CSGALNACT1: variants seen among roughly 807,000 people sequenced by gnomAD.
CSGALNACT1 encodes beta4GalNAcT-1.
Under a neutral mutation model 51.0 loss-of-function variants are expected in CSGALNACT1, and 52 were observed. The ratio of observed to expected loss-of-function variants is 1.02; its 90% CI spans 0.82 to 1.29. The LOEUF (loss-of-function observed/expected upper bound fraction) is 1.29, where lower values mean the gene tolerates loss of function less well. CSGALNACT1 is among the 50% of genes most tolerant of loss of function. The pLI, the probability that CSGALNACT1 is intolerant of heterozygous loss-of-function variation, is 0.00. For synonymous variants in CSGALNACT1, 341 were observed against 254.4 expected, an observed-to-expected ratio of 1.34 and a Z score of -3.24; for missense variants, 935 against 679.2, an observed-to-expected ratio of 1.38 and a Z score of -4.19.
intron 1 of CSGALNACT1, among the ~76,000 whole-genome samples, chr8:19,631,363 G>C (rs996791167): frequency 6.6e-6 from 1 of 152,154 alleles, no homozygotes; most frequent in African/African-American, 2.4e-5. Context: ...TGCTGGTGCT[G>C]TGTTTTAGAT....
intron 3 of CSGALNACT1, among the ~76,000 whole-genome samples, chr8:19,537,631 G>A (rs971245941): frequency 7.2e-5 from 11 of 152,062 alleles, no homozygotes; most frequent in Admixed American, 1.3e-4. Flanking sequence ...CCCTTTATGC[G>A]AAATAAAGCT....
rs554214395 is a variant in CSGALNACT1, at chr8:19,506,398, G to C, written c.-296-268C>G. 1.4e-3 allele frequency among the ~76,000 whole-genome samples: 209 copies of C among 152,354 alleles called. 1 individual carries two copies. The Middle Eastern group carries it at 0.017, about 12-fold the overall frequency. ...TTCTCTCCAGATGGAAAGATTAAGA[G>C]TCATCTTTCTACTTCTATTTTTCTG... On this transcript the variant is annotated intron_variant, in intron 3 of 9. Coordinates refer to ENST00000454498, the Ensembl canonical transcript of CSGALNACT1.
intron 3 of CSGALNACT1, among the ~76,000 whole-genome samples, chr8:19,579,738 C>G (rs556753662): frequency 2.6e-5 from 4 of 152,306 alleles, no homozygotes; most frequent in Admixed American, 1.3e-4. Context: ...AACCTAAAAA[C>G]AGTTATGGTA....
rs1348097058 is a variant in CSGALNACT1, at chr8:19,689,207, T to C, written c.-297+68643A>G. Among the ~76,000 whole-genome samples the C allele has an allele frequency of 2.0e-5, 3 of 152,182 alleles. No individual in the cohort carries two copies. The East Asian group carries it at 5.8e-4, about 29-fold the overall frequency. ...GACGATGTCATAAAAGACTGTATTA[T>C]AGTTCTCCACCTGGTTCTCCTGGAA... is the stretch of plus-strand genomic sequence containing the variant. On this transcript the variant is annotated intron_variant, in intron 1 of 1. Transcript: ENST00000517494.
chr8:19,481,341 C>T (rs538597844), intron 4 of CSGALNACT1, among the ~76,000 whole-genome samples: 21 of 152,206 alleles, frequency 1.4e-4, no homozygotes, highest in African/African-American at 4.6e-4. Context: ...GTGTCTACGA[C>T]GTCTCATTTT....
chr8:19,643,858 C>A (rs536317039), intron 1 of CSGALNACT1, among the ~76,000 whole-genome samples: 2 of 152,238 alleles, frequency 1.3e-5, no homozygotes, highest in Non-Finnish European at 2.9e-5. Flanking sequence ...CTCAGTCACT[C>A]GGGTAAACAA....
chr8:19,614,551 T>C (rs1204755479), intron 1 of CSGALNACT1, among the ~76,000 whole-genome samples: 1 of 152,228 alleles, frequency 6.6e-6, no homozygotes, highest in Non-Finnish European at 1.5e-5. Flanking sequence ...GTTATACTCT[T>C]CTATAACCAT....
chr8:19,570,585 C>A (rs185960801), intron 3 of CSGALNACT1, among the ~76,000 whole-genome samples: 1 of 152,046 alleles, frequency 6.6e-6, no homozygotes, highest in African/African-American at 2.4e-5. Flanking sequence ...CAGTGGCACA[C>A]GCTGGGAGGG....
chr8:19,662,304 C>T (rs1446111030), intron 1 of CSGALNACT1, among the ~76,000 whole-genome samples: 1 of 151,820 alleles, frequency 6.6e-6, no homozygotes, highest in Non-Finnish European at 1.5e-5. Context: ...ATCACATGAA[C>T]CCAGAGGCAG....
rs1250360376 is a variant in CSGALNACT1 at position 19,665,120 on chromosome 8, T to C, written c.-544+17353A>G. Reference sequence around the variant, plus strand: ...CCTCTAACTCCCAAGTTCAAGCGATTCTTCTCCATCAACCTCCTGAGTAGG... The same window carrying C: ...CCTCTAACTCCCAAGTTCAAGCGATCCTTCTCCATCAACCTCCTGAGTAGG... On this transcript the variant is annotated intron_variant, in intron 1 of 9. Transcript: ENST00000332246. 2.0e-5 allele frequency among the ~76,000 whole-genome samples: 3 copies of C among 152,344 alleles called. No homozygotes were observed. The East Asian group carries it at 5.8e-4, about 29-fold the overall frequency.
chr8:19,603,711 G>A (rs2050922885), upstream of CSGALNACT1, among the ~76,000 whole-genome samples: 1 of 152,172 alleles, frequency 6.6e-6, no homozygotes, highest in African/African-American at 2.4e-5. Flanking sequence ...TAGCTTGCAG[G>A]CAGCAGATCT....
At chr8:19,749,720 T>G (rs1327804008) in intron 1 of CSGALNACT1, among the ~76,000 whole-genome samples, 12 of 152,196 alleles carry the variant, frequency 7.9e-5, no homozygotes, top group Admixed American at 7.2e-4. Flanking sequence ...CAGACCTGGA[T>G]GTAATTAACC....
At chr8:19,727,736 C>T (rs1258887531) in intron 1 of CSGALNACT1, among the ~76,000 whole-genome samples, 1 of 152,040 alleles carries the variant, frequency 6.6e-6, no homozygotes, top group Admixed American at 6.6e-5. Flanking sequence ...TTCCCTAACA[C>T]CATGGCTGGG....
At chr8:19,627,753 A>G (rs1186721669) in intron 1 of CSGALNACT1, among the ~76,000 whole-genome samples, 1 of 152,182 alleles carries the variant, frequency 6.6e-6, no homozygotes, top group Non-Finnish European at 1.5e-5. Context: ...TGAGCCTAGG[A>G]GTTCGAGGCT....
intron 4 of CSGALNACT1, among the ~76,000 whole-genome samples, chr8:19,492,108 C>G (rs577942932): frequency 6.6e-6 from 1 of 152,226 alleles, no homozygotes; most frequent in Non-Finnish European, 1.5e-5. Context: ...ACATTGGTAA[C>G]TAGTGAGAAT....
chr8:19,687,593 T>C (rs2061049304), intron 1 of CSGALNACT1, among the ~76,000 whole-genome samples: 2 of 152,214 alleles, frequency 1.3e-5, no homozygotes, highest in Non-Finnish European at 2.9e-5. Flanking sequence ...CCTTGGTCCA[T>C]TACCACACTA....
chr8:19,609,920 T>C (rs991433865), intron 1 of CSGALNACT1, among the ~76,000 whole-genome samples: 2 of 152,062 alleles, frequency 1.3e-5, no homozygotes, highest in Non-Finnish European at 2.9e-5. Flanking sequence ...AGCATGGTCC[T>C]TTTAAATAAC....
In CSGALNACT1 at chr8:19,713,260, A is replaced by G. The variant is rs140174081; in HGVS notation, c.-297+44590T>C. On this transcript the variant is annotated intron_variant, in intron 1 of 1. Transcript: ENST00000517494. ...AGGAATAGCGAACCACATAAAAGAT[A>G]TAACTTGTTTGAAGGGCATGACAGA... Among the ~76,000 whole-genome samples, 67 of 152,352 alleles carry G rather than the reference A, an allele frequency of 4.4e-4. No individual in the cohort carries two copies. In the South Asian group the frequency reaches 6.6e-3, roughly 15 times the overall value.
At chr8:19,666,817 GAGAGAGAGAGAGAGAGAAAGAAAGAA>G (rs2059250914) in intron 1 of CSGALNACT1, among the ~76,000 whole-genome samples, 2 of 35,396 alleles carry the variant, frequency 5.7e-5, no homozygotes, top group Non-Finnish European at 1.1e-4. Context: ...GAAAGAGAGA[GAGAGAGAGAGAGAGAGAAAGAAAGAA>G]AGAAAGAAAG....
Sources: allele counts gnomAD v4.1 joint callset (sites outside exome capture counted in the v4.1 genomes callset), GRCh38; gene constraint gnomAD v4.1.1; transcripts MANE v1.5; gene names NCBI Gene and HGNC (gene_info 2026-07-23, HGNC 2026-07-21).